The following FYTTD1 variants were observed in gnomAD, a reference collection of about 807,000 sequenced individuals.
FYTTD1 encodes forty-two-three domain containing 1.
FYTTD1 carries 22 observed loss-of-function variants against 40.9 expected under a neutral mutation model. The observed-to-expected ratio is 0.54, with a 90% CI of 0.38 to 0.77. FYTTD1 has a LOEUF of 0.77. FYTTD1 is among the 30% of genes least tolerant of loss of function. FYTTD1 has a pLI of 0.00. For missense variants in FYTTD1, 351 were observed against 392.2 expected, an observed-to-expected ratio of 0.90 and a Z score of 0.89; for synonymous variants, 140 against 137.9, an observed-to-expected ratio of 1.01 and a Z score of -0.10.
intron 2 of FYTTD1, among the ~76,000 whole-genome samples, chr3:197,759,069 T>C (rs528374808): frequency 6.6e-6 from 1 of 151,994 alleles, no homozygotes; most frequent in African/African-American, 2.4e-5. Context: ...AAGTATAGAG[T>C]TGTTCTTCAG....
chr3:197,778,317 A>G (rs745812189), intron 7 of FYTTD1, 21 bp from the exon 8 acceptor site: 2 of 1,574,168 alleles, frequency 1.3e-6, no homozygotes, highest in Non-Finnish European at 8.6e-7. Flanking sequence ...CTGCTCTGAT[A>G]TTTTAATATT....
intron 2 of FYTTD1, among the ~76,000 whole-genome samples, chr3:197,761,590 G>A (rs1383445749): frequency 3.9e-5 from 6 of 152,206 alleles, no homozygotes; most frequent in African/African-American, 1.4e-4. Context: ...GTATAGAATT[G>A]TTCTTCAGTG....
At chr3:197,776,128 C>G (rs1729866035) in intron 6 of FYTTD1, among the ~76,000 whole-genome samples, 2 of 151,688 alleles carry the variant, frequency 1.3e-5, no homozygotes, top group South Asian at 2.1e-4. Flanking sequence ...AATAGTGATA[C>G]AGCCATCAAA....
At chr3:197,750,743 A>AGG in intron 1 of FYTTD1, 1 of 985,524 alleles carries the variant, frequency 1.0e-6, no homozygotes, top group Non-Finnish European at 1.2e-6. Context: ...CTCCCTCTCC[A>AGG]GGCCTCAGAG....
intron 2 of FYTTD1, among the ~76,000 whole-genome samples, chr3:197,762,861 C>T (rs1311018123): frequency 3.3e-5 from 5 of 151,286 alleles, no homozygotes; most frequent in African/African-American, 9.7e-5. Context: ...CCAGCCTGGG[C>T]GACAGAGTGA....
intron 1 of FYTTD1, chr3:197,750,881 A>C: frequency 1.0e-6 from 1 of 982,250 alleles, no homozygotes. Context: ...TGCCGATTAT[A>C]TAAAAACCGG....
At chr3:197,776,308 C>T (rs1729872405) in intron 6 of FYTTD1, among the ~76,000 whole-genome samples, 1 of 150,652 alleles carries the variant, frequency 6.6e-6, no homozygotes, top group Non-Finnish European at 1.5e-5. Context: ...CGGGTTCAAG[C>T]AGTTCTCTGC....
upstream of FYTTD1, chr3:197,749,817 T>G (rs1032187346): frequency 6.2e-6 from 3 of 480,232 alleles, no homozygotes; most frequent in East Asian, 4.1e-5. Context: ...CGAGTGTCGG[T>G]GGCCCCGCCC....
chr3:197,766,060 G>T (rs1424322747), intron 2 of FYTTD1, among the ~76,000 whole-genome samples: 3 of 151,768 alleles, frequency 2.0e-5, no homozygotes, highest in African/African-American at 7.3e-5. Flanking sequence ...CTACTCGGGA[G>T]GCTGAGGCAG....
intron 6 of FYTTD1, among the ~76,000 whole-genome samples, chr3:197,775,921 A>G (rs1200654977): frequency 6.6e-6 from 1 of 152,386 alleles, no homozygotes; most frequent in East Asian, 1.9e-4. Flanking sequence ...TGAGAACAAT[A>G]TAATGTAAAT....
chr3:197,749,670 C>T (rs901042475), upstream of FYTTD1: 2 of 741,782 alleles, frequency 2.7e-6, no homozygotes, highest in Non-Finnish European at 4.3e-6. Context: ...GTCTAGCATC[C>T]CCCAGTTTGG....
At chr3:197,774,781 C>T (rs955027475) in intron 6 of FYTTD1, among the ~76,000 whole-genome samples, 4 of 151,138 alleles carry the variant, frequency 2.6e-5, no homozygotes, top group Admixed American at 6.6e-5. Context: ...ATGGCCAGTG[C>T]ACACCATCCT....
chr3:197,757,966 C>T (rs532898951), intron 2 of FYTTD1, among the ~76,000 whole-genome samples: 65 of 152,336 alleles, frequency 4.3e-4, no homozygotes, highest in African/African-American at 9.4e-4. Context: ...TGCAAAGGCA[C>T]GATCTTGGCT....
intron 4 of FYTTD1, among the ~76,000 whole-genome samples, chr3:197,771,927 C>G (rs1258286539): frequency 6.6e-6 from 1 of 151,744 alleles, no homozygotes; most frequent in Non-Finnish European, 1.5e-5. Context: ...AACCCCATCT[C>G]TACTAAAAAT....
Position 197,771,498 on chromosome 3 carries a change from C to T in FYTTD1, c.497+1254C>T, listed in dbSNP as rs145393692. Among the ~76,000 whole-genome samples the T allele has an allele frequency of 4.0e-3, 606 of 152,024 alleles. 2 individuals are homozygous for T. Among genetic ancestry groups the T allele is most frequent in the East Asian group, 0.014 (72 of 5,150 alleles). On this transcript the variant is annotated intron_variant, in intron 4 of 8. Coordinates refer to ENST00000241502, the MANE Select transcript of FYTTD1 (RefSeq NM_032288.7). ...TCTACTGAAAATGCAAAAATTAGGCCGGGTGCGGTGGCTCACGCCTGTAAT... is the reference window on the plus strand; with the variant it reads ...TCTACTGAAAATGCAAAAATTAGGCTGGGTGCGGTGGCTCACGCCTGTAAT...
chr3:197,769,595 G>A (rs1430658223), intron 3 of FYTTD1, among the ~76,000 whole-genome samples: 1 of 152,180 alleles, frequency 6.6e-6, no homozygotes, highest in Non-Finnish European at 1.5e-5. Context: ...GATGTCTCAT[G>A]TGCTTTTGTT....
intron 6 of FYTTD1, among the ~76,000 whole-genome samples, chr3:197,776,384 GT>G (rs869308035): frequency 0.039 from 5,201 of 133,162 alleles, 377 homozygotes; most frequent in African/African-American, 0.15. Context: ...GCTTAAATTT[GT>G]TTTTTTTTTT....
At chr3:197,769,030 G>A (rs1372774880) in intron 3 of FYTTD1, among the ~76,000 whole-genome samples, 1 of 151,728 alleles carries the variant, frequency 6.6e-6, no homozygotes, top group Non-Finnish European at 1.5e-5. Flanking sequence ...CTCCCAAAGT[G>A]CTGGTATTAC....
chr3:197,759,785 T>G (rs989598378), intron 2 of FYTTD1, among the ~76,000 whole-genome samples: 4 of 150,984 alleles, frequency 2.6e-5, no homozygotes, highest in African/African-American at 7.3e-5. Context: ...GTAGAATGTA[T>G]AGAGTGTTCT....
Sources: allele counts gnomAD v4.1 joint callset (sites outside exome capture counted in the v4.1 genomes callset), GRCh38; gene constraint gnomAD v4.1.1; transcripts MANE v1.5; gene names NCBI Gene and HGNC (gene_info 2026-07-23, HGNC 2026-07-21).